Variants in PPFIBP2 observed in about 807,000 individuals in gnomAD.
The protein encoded by PPFIBP2 is PPFIB scaffold protein 2, also known as liprin-beta-2.
Under a neutral mutation model 118.3 loss-of-function variants are expected in PPFIBP2, and 118 were observed. That is an observed-to-expected ratio of 1.00 (90% CI 0.86 to 1.16). The LOEUF is 1.16. Ranked by LOEUF, PPFIBP2 falls within the 50% of genes most tolerant of loss-of-function variation. The pLI, the probability that PPFIBP2 is intolerant of heterozygous loss-of-function variation, is 0.00. For missense variants in PPFIBP2, 1,195 were observed against 1,073.1 expected (o/e 1.11, Z -1.59); for synonymous variants, 414 against 397.4 (o/e 1.04, Z -0.50).
At chr11:7,630,830 T>C (rs1850656422) in intron 10 of PPFIBP2, 95 bp from the exon 11 acceptor site, 2 of 901,764 alleles carry the variant, frequency 2.2e-6, no homozygotes, top group African/African-American at 3.3e-5. Context: ...TAGTCCTTCT[T>C]AATGAAGGAG....
In PPFIBP2 at chr11:7,651,929, A is replaced by G. The variant is rs116781139; in HGVS notation, c.2436+85A>G. 2,635 of 1,290,284 alleles carry G rather than the reference A, an allele frequency of 2.0e-3. 41 individuals carry two copies. The African/African-American group carries it at 0.036, about 18-fold the overall frequency. 79.9% of individuals were successfully genotyped at this position (1,290,284 alleles called of 1,614,324 possible). A position where few individuals can be genotyped will look rare whatever the true frequency, so the allele number is the denominator to read the frequency against. The stretch of plus-strand genomic sequence containing the variant: ...AGCACCTGGCGCGATGCCCACAGCC[A>G]GAGCAGCATGCGCAGCCTGGACAAA... On this transcript the variant is annotated intron_variant, in intron 23 of 23. Transcript: ENST00000299492.
At chr11:7,656,744 C>G (rs1475041879), downstream of PPFIBP2, 11 of 1,289,682 alleles carry the variant, frequency 8.5e-6, no homozygotes, top group African/African-American at 3.0e-5. Context: ...TGAGCCAGGA[C>G]CAGCTGCTGA....
At chr11:7,558,677 A>G (rs7127664) in intron 2 of PPFIBP2, among the ~76,000 whole-genome samples, 39,552 of 151,598 alleles carry the variant, frequency 0.26, 5,417 homozygotes, top group African/African-American at 0.32. Flanking sequence ...AATTGCTGGA[A>G]CCTGGGAGGC....
At chr11:7,647,303 C>T (rs914899454) in intron 17 of PPFIBP2, among the ~76,000 whole-genome samples, 5 of 152,096 alleles carry the variant, frequency 3.3e-5, no homozygotes, top group African/African-American at 9.7e-5. Context: ...AAAAAAATGA[C>T]TCTATTGGGA....
chr11:7,648,589 G>T (rs1853488270), intron 18 of PPFIBP2, 52 bp downstream of exon 18: 4 of 1,604,398 alleles, frequency 2.5e-6, no homozygotes, highest in East Asian at 2.2e-5. Context: ...CAAAGCATGG[G>T]GAGGCCAGGG....
At chr11:7,526,437 A>C (rs1163387400) in intron 1 of PPFIBP2, among the ~76,000 whole-genome samples, 1 of 152,218 alleles carries the variant, frequency 6.6e-6, no homozygotes, top group Non-Finnish European at 1.5e-5. Context: ...CTAAGGGAAA[A>C]GGAACTTGAA....
In PPFIBP2 at chr11:7,630,609, G is replaced by A. The variant is rs191537098; in HGVS notation, c.965-316G>A. On this transcript the variant is annotated intron_variant, in intron 10 of 23. Transcript: ENST00000299492. ...TTACAGGCGTGAGCCAAAGCACCTG[G>A]CCTCACAGCCATCTTTTTAAGATCA... Among the ~76,000 whole-genome samples, 4 of 152,324 alleles carry A rather than the reference G, an allele frequency of 2.6e-5. No homozygotes were observed. In the East Asian group the frequency reaches 7.7e-4, roughly 29 times the overall value.
At chr11:7,622,092 T>G (rs1016168941) in intron 7 of PPFIBP2, among the ~76,000 whole-genome samples, 2 of 152,220 alleles carry the variant, frequency 1.3e-5, no homozygotes, top group African/African-American at 4.8e-5. Flanking sequence ...AAGAAGAGGT[T>G]TAATTGGCTC....
chr11:7,620,173 C>A (rs1849171843), intron 6 of PPFIBP2, among the ~76,000 whole-genome samples: 1 of 152,136 alleles, frequency 6.6e-6, no homozygotes, highest in Admixed American at 6.5e-5. Flanking sequence ...CACTCAGCAA[C>A]CTTCAGTGAC....
At chr11:7,572,685 G>C (rs1322832843) in intron 3 of PPFIBP2, among the ~76,000 whole-genome samples, 1 of 152,356 alleles carries the variant, frequency 6.6e-6, no homozygotes, top group African/African-American at 2.4e-5. Context: ...TGCCCTTTCA[G>C]ATACCTGCTA....
At chr11:7,615,915 T>C (rs1014158413) in intron 6 of PPFIBP2, among the ~76,000 whole-genome samples, 6 of 152,194 alleles carry the variant, frequency 3.9e-5, no homozygotes, top group Admixed American at 2.0e-4. Flanking sequence ...CCCAAGAATA[T>C]TGAACTACTT....
At chr11:7,621,808 G>C (rs573584157) in intron 7 of PPFIBP2, among the ~76,000 whole-genome samples, 1 of 152,336 alleles carries the variant, frequency 6.6e-6, no homozygotes, top group Non-Finnish European at 1.5e-5. Flanking sequence ...TGCCACCCAA[G>C]GGCATTACTG....
At chr11:7,613,648 G>A (rs1848320109) in intron 6 of PPFIBP2, among the ~76,000 whole-genome samples, 1 of 152,216 alleles carries the variant, frequency 6.6e-6, no homozygotes, top group African/African-American at 2.4e-5. Context: ...AAGAGATCCA[G>A]AGGTAAAGGA....
intron 3 of PPFIBP2, among the ~76,000 whole-genome samples, chr11:7,572,418 A>G (rs890992583): frequency 1.3e-5 from 2 of 152,212 alleles, no homozygotes; most frequent in East Asian, 1.9e-4. Context: ...AATTCTAGCA[A>G]TCCGGCTCCT....
At chr11:7,591,822 T>A (rs1338109411) in intron 3 of PPFIBP2, among the ~76,000 whole-genome samples, 1 of 152,228 alleles carries the variant, frequency 6.6e-6, no homozygotes, top group African/African-American at 2.4e-5. Flanking sequence ...GAATGCGGTA[T>A]GCTTGGTCCA....
chr11:7,580,098 T>G (rs1330114411), intron 3 of PPFIBP2, among the ~76,000 whole-genome samples: 2 of 152,154 alleles, frequency 1.3e-5, no homozygotes, highest in Non-Finnish European at 2.9e-5. Context: ...TCAACTTACC[T>G]TTTTAGTTTT....
At chr11:7,539,259 C>T (rs1309232365) in intron 1 of PPFIBP2, 1 of 152,512 alleles carries the variant, frequency 6.6e-6, no homozygotes, top group Non-Finnish European at 1.5e-5. Context: ...GACAGGATAT[C>T]TCGCTGTGTT....
intron 3 of PPFIBP2, among the ~76,000 whole-genome samples, chr11:7,586,819 A>G (rs1253244392): frequency 3.3e-5 from 5 of 152,238 alleles, no homozygotes; most frequent in African/African-American, 9.6e-5. Flanking sequence ...TGAGGGGAAC[A>G]GGGAACCCAG....
At chr11:7,545,575 C>A (rs989873141) in intron 1 of PPFIBP2, among the ~76,000 whole-genome samples, 1 of 152,210 alleles carries the variant, frequency 6.6e-6, no homozygotes, top group Non-Finnish European at 1.5e-5. Context: ...CATCAGAGGT[C>A]TGTAGATACA....
Sources: gnomAD v4.1 joint callset for allele counts (sites outside exome capture counted in the v4.1 genomes callset) on GRCh38, gnomAD v4.1.1 for gene constraint, MANE v1.5 for transcripts, NCBI Gene and HGNC (gene_info 2026-07-23, HGNC 2026-07-21) for gene names.